NACC2: variants seen among roughly 807,000 people sequenced by gnomAD.
NACC2 encodes the protein nucleus accumbens-associated protein 2.
NACC2 carries 8 observed loss-of-function variants against 25.1 expected under a neutral mutation model. The observed-to-expected ratio is 0.32, with a 90% CI of 0.19 to 0.57. NACC2 has a LOEUF of 0.57. Ranked by LOEUF, NACC2 falls within the 20% of genes least tolerant of loss-of-function variation. The pLI is 0.89. For missense variants in NACC2, 644 were observed against 650.2 expected (o/e 0.99, Z 0.10); for synonymous variants, 435 against 294.7 (o/e 1.48, Z -4.88).
chr9:136,049,484 G>A (rs1189105937), intron 2 of NACC2, 152 bp downstream of exon 2: 4 of 593,358 alleles, frequency 6.7e-6, no homozygotes, highest in African/African-American at 1.9e-5. Context: ...GAACCCCATG[G>A]TGAACAGAGC....
At chr9:136,071,313 G>C (rs1467708655) in intron 1 of NACC2, among the ~76,000 whole-genome samples, 1 of 150,464 alleles carries the variant, frequency 6.6e-6, no homozygotes, top group Admixed American at 6.6e-5. Context: ...GGGAGGTCAA[G>C]GCTGGCAGAT....
rs905505912 is a variant in NACC2, at chr9:136,019,854, G to A, written c.887-3425C>T. 2.6e-5 allele frequency among the ~76,000 whole-genome samples: 4 copies of A among 152,306 alleles called. No individual in the cohort carries two copies. Among genetic ancestry groups the A allele is most frequent in the Non-Finnish European group, 4.4e-5 (3 of 68,030 alleles). ...GCCGGGCGACACCAGGGGAGCTTGCGAGAGGGCGGCTGAGCCTGGAGGACA... is the reference window on the plus strand; with the variant it reads ...GCCGGGCGACACCAGGGGAGCTTGCAAGAGGGCGGCTGAGCCTGGAGGACA... On this transcript the variant is annotated intron_variant, in intron 2 of 5. Transcript: ENST00000277554. This position sits in a 1 kb window ranked among gnomAD's most constrained non-coding sequence, Gnocchi z 5.2.
chr9:136,070,218 C>T (rs1294873567), intron 1 of NACC2, among the ~76,000 whole-genome samples: 2 of 151,846 alleles, frequency 1.3e-5, no homozygotes, highest in South Asian at 2.1e-4. Context: ...TCAAGAAAAT[C>T]AAATACGGGC....
At chr9:136,045,047 G>T (rs903579149) in intron 2 of NACC2, among the ~76,000 whole-genome samples, 1 of 152,256 alleles carries the variant, frequency 6.6e-6, no homozygotes, top group African/African-American at 2.4e-5. Flanking sequence ...AGTGGCATCT[G>T]TCCAGGGTCC....
intron 2 of NACC2, among the ~76,000 whole-genome samples, chr9:136,046,463 G>A (rs1840726495): frequency 6.6e-6 from 1 of 152,232 alleles, no homozygotes; most frequent in Admixed American, 6.5e-5. Flanking sequence ...CCTGCCGCAG[G>A]GGTGATGGCT....
intron 2 of NACC2, among the ~76,000 whole-genome samples, chr9:136,031,463 G>A (rs531722348): frequency 6.6e-5 from 10 of 152,132 alleles, no homozygotes; most frequent in East Asian, 5.8e-4. Context: ...TCAGCCTCCC[G>A]AGCAGCTGGG....
intron 1 of NACC2, among the ~76,000 whole-genome samples, chr9:136,062,903 C>A (rs1339563589): frequency 6.6e-6 from 1 of 152,188 alleles, no homozygotes; most frequent in Non-Finnish European, 1.5e-5. Context: ...GGCAACAGGG[C>A]AAGACCCTGT....
chr9:136,020,524 A>T lies in NACC2; in HGVS notation c.887-4095T>A, dbSNP rs1178129020. ...GGCGAGTGGTAGGGCCGCCTGGTGG[A>T]GCCCAGCAGAGCCTCGGCGGGGGTA... On this transcript the variant is annotated intron_variant, in intron 2 of 5. Coordinates refer to ENST00000277554, the MANE Select transcript of NACC2 (RefSeq NM_144653.5). The surrounding 1 kb of genome is among the most constrained non-coding windows in gnomAD (Gnocchi z 4.7). Among the ~76,000 whole-genome samples, 1 of 152,194 alleles carries T rather than the reference A, an allele frequency of 6.6e-6. No individual in the cohort carries two copies. Among genetic ancestry groups the T allele is most frequent in the Non-Finnish European group, 1.5e-5 (1 of 68,032 alleles).
intron 1 of NACC2, among the ~76,000 whole-genome samples, chr9:136,053,237 C>G (rs1156239167): frequency 6.6e-6 from 1 of 152,232 alleles, no homozygotes; most frequent in African/African-American, 2.4e-5. Flanking sequence ...CTGGCTCCTC[C>G]CTAGTCACAC....
At position 136,013,661 on chromosome 9, in the gene NACC2, T is replaced by C. The variant is rs540506544; in HGVS notation, c.1157+203A>G. ...GTGGGGGTTGCATCCACAAGCCCGT[T>C]TGAGAAAGGCCACGAAAGACAGCCC... On this transcript the variant is annotated intron_variant, in intron 4 of 5. Coordinates refer to ENST00000277554, the MANE Select transcript of NACC2 (RefSeq NM_144653.5). The surrounding 1 kb of genome is among the most constrained non-coding windows in gnomAD (Gnocchi z 6.6). 3.3e-4 allele frequency among the ~76,000 whole-genome samples: 50 copies of C among 152,264 alleles called. 1 individual carries two copies. In the East Asian group the frequency reaches 8.9e-3, roughly 27 times the overall value.
At chr9:136,070,456 G>A (rs1017181672) in intron 1 of NACC2, among the ~76,000 whole-genome samples, 12 of 151,770 alleles carry the variant, frequency 7.9e-5, no homozygotes, top group Non-Finnish European at 1.5e-4. Context: ...GCAGTGAGCC[G>A]AGATCGCGCC....
Position 136,007,677 on chromosome 9 carries a change from T to A in NACC2, c.*3839A>T, listed in dbSNP as rs564877339. 2.0e-5 allele frequency: 3 copies of A among 152,408 alleles called. No homozygotes were observed. Among genetic ancestry groups the A allele is most frequent in the Admixed American group, 6.5e-5 (1 of 15,312 alleles). The allele number at this position is 152,408 out of a possible 1,614,324, so 9.4% of individuals were successfully genotyped here. On this transcript the variant is annotated 3_prime_UTR_variant, in exon 6 of 6. Transcript: ENST00000277554. Reference sequence around the variant, plus strand: ...GCTGAGGACAGCTACGAGCTCTGGATTCTGCGCTTAGGACTCGCTGCTGGC... The same window carrying A: ...GCTGAGGACAGCTACGAGCTCTGGAATCTGCGCTTAGGACTCGCTGCTGGC...
intron 1 of NACC2, among the ~76,000 whole-genome samples, chr9:136,063,048 T>A (rs111403208): frequency 0.1 from 15,736 of 152,272 alleles, 906 homozygotes; most frequent in African/African-American, 0.13. Flanking sequence ...GCCGTCACTG[T>A]TTTCTTCTAA....
chr9:136,090,013 A>G (rs1338423545), intron 1 of NACC2, among the ~76,000 whole-genome samples: 1 of 152,172 alleles, frequency 6.6e-6, no homozygotes, highest in East Asian at 1.9e-4. Flanking sequence ...ACTGCTGACA[A>G]CAAAAAGTAT....
chr9:136,011,547 CT>C lies in NACC2; in HGVS notation c.1732del (p.Arg578GlyfsTer23). The part of the protein sequence containing the change: ...RPQTPAAAAR[R>X]PEGTYAGTL The stretch of plus-strand genomic sequence containing the variant: ...GGTCCCTGCATAGGTGCCCTCCGGC[CT>C]CCGGGCCGCGGCCGCCGGCGTCTGG... On this transcript the variant is annotated frameshift_variant, in exon 6 of 6. Coordinates refer to ENST00000277554, the MANE Select transcript of NACC2 (RefSeq NM_144653.5). LOFTEE classifies it high-confidence loss of function. The C allele has an allele frequency of 7.1e-7, 1 of 1,409,080 alleles. No homozygotes were observed. 87.3% of individuals were successfully genotyped at this position (1,409,080 alleles called of 1,614,324 possible). A position where few individuals can be genotyped will look rare whatever the true frequency, so the allele number is the denominator to read the frequency against.
chr9:136,094,495 G>A (rs1451517197), intron 1 of NACC2, among the ~76,000 whole-genome samples: 1 of 151,966 alleles, frequency 6.6e-6, no homozygotes, highest in Non-Finnish European at 1.5e-5. Flanking sequence ...CGGGCCCCGG[G>A]CTCCGCTGAG....
chr9:136,043,440 C>T (rs1181091915), intron 2 of NACC2, among the ~76,000 whole-genome samples: 3 of 152,220 alleles, frequency 2.0e-5, no homozygotes, highest in Non-Finnish European at 4.4e-5. Context: ...AGGGCTGAAA[C>T]GTCAAGGCTG....
intron 1 of NACC2, among the ~76,000 whole-genome samples, chr9:136,075,641 C>T (rs1830255021): frequency 6.6e-6 from 1 of 152,208 alleles, no homozygotes; most frequent in Non-Finnish European, 1.5e-5. Flanking sequence ...CCTGCAGGGC[C>T]CCCTCAGGAA....
chr9:136,013,173 C>CCCCCCCCG lies in NACC2; in HGVS notation c.1255+25_1255+26insCGGGGGGG. ...ATCTGAACCCAGCCCCGGCCCCACC[C>CCCCCCCCG]ACCCGAGAGACCCCCAGGCTCTTAC... is the stretch of plus-strand genomic sequence containing the variant. On this transcript the variant is annotated intron_variant, in intron 5 of 5. Transcript: ENST00000277554. The surrounding 1 kb of genome is among the most constrained non-coding windows in gnomAD (Gnocchi z 6.6). The CCCCCCCCG allele has an allele frequency of 1.6e-6, 2 of 1,281,020 alleles. No individual in the cohort carries two copies. Among genetic ancestry groups the CCCCCCCCG allele is most frequent in the Non-Finnish European group, 2.3e-6 (2 of 883,264 alleles). The allele number at this position is 1,281,020 out of a possible 1,614,324, so 79.4% of individuals were successfully genotyped here. A position where few individuals can be genotyped will look rare whatever the true frequency, so the allele number is the denominator to read the frequency against.
Sources: allele counts gnomAD v4.1 joint callset (sites outside exome capture counted in the v4.1 genomes callset), GRCh38; gene constraint gnomAD v4.1.1; non-coding constraint Gnocchi (gnomAD v3.1); transcripts MANE v1.5; gene names NCBI Gene and HGNC (gene_info 2026-07-23, HGNC 2026-07-21).